Variants in LSM12 observed in about 807,000 individuals in gnomAD.
LSM12 encodes the protein protein LSM12.
For synonymous variants in LSM12, 74 were observed against 87.3 expected, an observed-to-expected ratio of 0.85 and a Z score of 0.85; for missense variants, 108 against 238.9, an observed-to-expected ratio of 0.45 and a Z score of 3.61.
At chr17:44,044,499 G>A (rs545016700) in intron 2 of LSM12, among the ~76,000 whole-genome samples, 1 of 152,312 alleles carries the variant, frequency 6.6e-6, no homozygotes, top group African/African-American at 2.4e-5. Flanking sequence ...CAGCAGAAAT[G>A]ACTGTAAGCT....
chr17:44,060,813 A>G (rs745347383), intron 2 of LSM12, among the ~76,000 whole-genome samples: 1 of 152,174 alleles, frequency 6.6e-6, no homozygotes, highest in African/African-American at 2.4e-5. Flanking sequence ...TAAGAAGAGA[A>G]CTGCTTCTTA....
intron 2 of LSM12, among the ~76,000 whole-genome samples, chr17:44,048,481 C>CAAA (rs534794067): frequency 3.1e-5 from 2 of 64,386 alleles, no homozygotes; most frequent in Admixed American, 1.8e-4. Flanking sequence ...GACTCCATCT[C>CAAA]AAAAAAAAAA....
intron 1 of LSM12, among the ~76,000 whole-genome samples, chr17:44,064,665 G>A (rs539777073): frequency 2.6e-5 from 4 of 151,624 alleles, no homozygotes; most frequent in South Asian, 4.2e-4. Context: ...CACGGGAGGC[G>A]GAGGTTGCAG....
At chr17:44,040,360 G>C in intron 2 of LSM12, 104 bp from the exon 3 acceptor site, 2 of 783,890 alleles carry the variant, frequency 2.6e-6, no homozygotes, top group South Asian at 3.1e-5. Flanking sequence ...GACTTGTTTG[G>C]ACAGATTCTG....
chr17:44,066,872 G>C (rs1567964951), upstream of LSM12: 6 of 259,790 alleles, frequency 2.3e-5, no homozygotes, highest in South Asian at 3.3e-4. Context: ...AAAGGGGAAA[G>C]AGGAGGGAGC....
chr17:44,065,106 C>A (rs910442359), intron 1 of LSM12, among the ~76,000 whole-genome samples: 5 of 150,082 alleles, frequency 3.3e-5, no homozygotes, highest in Non-Finnish European at 7.4e-5. Context: ...GCACTCCAGC[C>A]TGGGCAATAA....
chr17:44,040,310 C>A, intron 2 of LSM12, 54 bp from the exon 3 acceptor site: 2 of 1,367,548 alleles, frequency 1.5e-6, no homozygotes, highest in South Asian at 1.2e-5. Context: ...TCATTCTTGC[C>A]AACAGTCAGG....
At chr17:44,047,083 T>C (rs1052842807) in intron 2 of LSM12, among the ~76,000 whole-genome samples, 1 of 152,166 alleles carries the variant, frequency 6.6e-6, no homozygotes, top group Non-Finnish European at 1.5e-5. Flanking sequence ...TGGGTACTGT[T>C]AGCCTTTCTG....
intron 1 of LSM12, 40 bp downstream of exon 1, chr17:44,066,424 C>A (rs1010939217): frequency 7.8e-6 from 12 of 1,537,478 alleles, no homozygotes; most frequent in Non-Finnish European, 1.0e-5. Flanking sequence ...ACCGCACCTA[C>A]ACGCCGGCCC....
chr17:44,050,289 T>TA (rs34466885), intron 2 of LSM12, among the ~76,000 whole-genome samples: 2 of 150,882 alleles, frequency 1.3e-5, no homozygotes, highest in East Asian at 4.0e-4. Flanking sequence ...TTTTTTTTTT[T>TA]AGTAGAGACG....
chr17:44,048,569 G>A (rs1480034046), intron 2 of LSM12, among the ~76,000 whole-genome samples: 1 of 151,620 alleles, frequency 6.6e-6, no homozygotes, highest in African/African-American at 2.4e-5. Flanking sequence ...GCTAGCTGCT[G>A]GCCTCACTAC....
intron 2 of LSM12, among the ~76,000 whole-genome samples, chr17:44,051,129 G>A (rs2049637641): frequency 1.3e-5 from 2 of 151,936 alleles, no homozygotes; most frequent in African/African-American, 2.4e-5. Context: ...AAAATTGGCT[G>A]GGAGTGGTGG....
At chr17:44,067,300 AAAAC>A (rs762435965), upstream of LSM12, 137 of 152,476 alleles carry the variant, frequency 9.0e-4, no homozygotes, top group Non-Finnish European at 1.1e-3. Context: ...ACTCTGTCTC[AAAAC>A]AAACAAACAA....
chr17:44,057,399 C>T (rs552953685), intron 2 of LSM12, among the ~76,000 whole-genome samples: 2 of 150,066 alleles, frequency 1.3e-5, no homozygotes, highest in Non-Finnish European at 3.0e-5. Context: ...CCGCCCGCCT[C>T]GGCCTCTCAA....
chr17:44,040,136 T>C lies in LSM12; in HGVS notation c.368+11A>G, dbSNP rs2049468983. 6.2e-7 allele frequency: 1 copy of C among 1,606,800 alleles called. No homozygotes were observed. The highest frequency in any genetic ancestry group is 1.1e-5 in the South Asian group (1 of 90,896). ...ACCCCAGGACAAAGGACCTCTCCGATCCCAACTCACGTCTTGTGAATGGTC... is the reference window on the plus strand; with the variant it reads ...ACCCCAGGACAAAGGACCTCTCCGACCCCAACTCACGTCTTGTGAATGGTC... On this transcript the variant is annotated intron_variant, in intron 3 of 4. Transcript: ENST00000293406.
chr17:44,037,900 G>A (rs1237514553), intron 3 of LSM12, among the ~76,000 whole-genome samples: 1 of 152,180 alleles, frequency 6.6e-6, no homozygotes, highest in Non-Finnish European at 1.5e-5. Context: ...AAACATTTTA[G>A]GCTTTGCAGT....
intron 2 of LSM12, among the ~76,000 whole-genome samples, chr17:44,054,927 C>T (rs2049691875): frequency 6.6e-6 from 1 of 151,990 alleles, no homozygotes; most frequent in South Asian, 2.1e-4. Flanking sequence ...CAACCTCTGC[C>T]TCCCAGGTTC....
chr17:44,066,076 C>T (rs1404455899), intron 1 of LSM12, among the ~76,000 whole-genome samples: 1 of 152,000 alleles, frequency 6.6e-6, no homozygotes, highest in African/African-American at 2.4e-5. Context: ...CTAAACACCC[C>T]TCCCCATAAT....
rs1041837819 is a variant in LSM12, at chr17:44,066,643, G to T, written c.-56C>A. On this transcript the variant is annotated 5_prime_UTR_variant, in exon 1 of 5. Coordinates refer to ENST00000293406, the MANE Select transcript of LSM12 (RefSeq NM_001371445.1). ...GGCGGCAGCAGCGGGCGAAAGCCGGGCCCCCAGTGAGCGCCGCGACGCGAC... is the reference window on the plus strand; with the variant it reads ...GGCGGCAGCAGCGGGCGAAAGCCGGTCCCCCAGTGAGCGCCGCGACGCGAC... 7 of 1,286,550 alleles carry T rather than the reference G, an allele frequency of 5.4e-6. No individual in the cohort carries two copies. Among genetic ancestry groups the T allele is most frequent in the Non-Finnish European group, 6.9e-6 (7 of 1,013,898 alleles). 79.7% of individuals were successfully genotyped at this position (1,286,550 alleles called of 1,614,324 possible).
Sources: gnomAD v4.1 joint callset for allele counts (sites outside exome capture counted in the v4.1 genomes callset) on GRCh38, gnomAD v4.1.1 for gene constraint, MANE v1.5 for transcripts, NCBI Gene and HGNC (gene_info 2026-07-23, HGNC 2026-07-21) for gene names.